The following MYLK variants were observed in gnomAD, a reference collection of about 807,000 sequenced individuals.
The protein encoded by MYLK is myosin light chain kinase, smooth muscle.
MYLK carries 106 observed loss-of-function variants against 203.4 expected under a neutral mutation model. The observed-to-expected ratio is 0.52, with a 90% confidence interval of 0.45 to 0.61. The LOEUF is 0.61. Among genes scored for constraint, MYLK ranks in the 20% least tolerant of loss-of-function variants. The pLI, the probability that MYLK is intolerant of heterozygous loss-of-function variation, is 0.00. For synonymous variants in MYLK, 867 were observed against 959.5 expected (o/e 0.90, Z 1.78); for missense variants, 2,072 against 2,442.3 (o/e 0.85, Z 3.20).
Position 123,629,342 on chromosome 3 carries a change from C to T in MYLK, c.5114+132G>A. Reference sequence around the variant, plus strand: ...TCTCTTACCATGCCCACCCTCCCTTCCTCAGGGAATGCTAGGAACGACCCA... The same window carrying T: ...TCTCTTACCATGCCCACCCTCCCTTTCTCAGGGAATGCTAGGAACGACCCA... On this transcript the variant is annotated intron_variant, in intron 30 of 33. Transcript: ENST00000360304. This position sits in a 1 kb window ranked among gnomAD's most constrained non-coding sequence, Gnocchi z 4.4. 1 of 1,129,930 alleles carries T rather than the reference C, an allele frequency of 8.9e-7. No individual in the cohort carries two copies. The highest frequency in any genetic ancestry group is 1.3e-5 in the South Asian group (1 of 74,078). The allele number at this position is 1,129,930 out of a possible 1,614,324, so 70.0% of individuals were successfully genotyped here.
intron 2 of MYLK, among the ~76,000 whole-genome samples, chr3:123,840,645 C>T (rs1206158866): frequency 6.6e-6 from 1 of 151,312 alleles, no homozygotes; most frequent in Non-Finnish European, 1.5e-5. Context: ...AATATAAACA[C>T]AAAAATCCTC....
intron 4 of MYLK, among the ~76,000 whole-genome samples, chr3:123,790,253 C>G (rs546273476): frequency 6.6e-6 from 1 of 152,326 alleles, no homozygotes; most frequent in South Asian, 2.1e-4. Flanking sequence ...TTTTTATCTT[C>G]CTTTAATCAG....
chr3:123,796,752 AAAAG>A (rs1322159392), intron 3 of MYLK, among the ~76,000 whole-genome samples: 1 of 152,264 alleles, frequency 6.6e-6, no homozygotes, highest in Non-Finnish European at 1.5e-5. Flanking sequence ...ATGACATTTA[AAAAG>A]AAACATAACA....
chr3:123,687,177 A>G (rs1484644252), intron 19 of MYLK, among the ~76,000 whole-genome samples: 1 of 152,198 alleles, frequency 6.6e-6, no homozygotes, highest in African/African-American at 2.4e-5. Context: ...AGCCGAGATC[A>G]TGCCACTGCA....
At position 123,738,887 on chromosome 3, in the gene MYLK, G is replaced by A. The variant is rs886038709; in HGVS notation, c.588+10C>T. 25 of 1,605,922 alleles carry A rather than the reference G, an allele frequency of 1.6e-5. No individual in the cohort carries two copies. Among genetic ancestry groups the A allele is most frequent in the Non-Finnish European group, 1.7e-5 (20 of 1,175,800 alleles). On this transcript the variant is annotated intron_variant, in intron 7 of 33. Transcript: ENST00000360304. ...GGCTGGATCAGGGTCAGGGCAGACA[G>A]AAACCTCACCTTGAGCCAGGTGACC...
chr3:123,629,539 C>T lies in MYLK; in HGVS notation c.5049G>A (p.Glu1683=), dbSNP rs2058321461. ...CATCGTCGGAGATCTCATCGAATGC[C>T]TCGTCGTCGAAGTCCCAGGTGGCTG... ...VTSATWDFDD[E]AFDEISDDAK... The change falls in exon 30 of 34, where the codon GAG becomes GAA. Residue 1683 remains glutamate (E), a synonymous_variant. Coordinates refer to ENST00000360304, the MANE Select transcript of MYLK (RefSeq NM_053025.4). This position sits in a 1 kb window ranked among gnomAD's most constrained non-coding sequence, Gnocchi z 4.4. The T allele has an allele frequency of 6.2e-7, 1 of 1,614,202 alleles. No homozygotes were observed. The highest frequency in any genetic ancestry group is 8.5e-7 in the Non-Finnish European group (1 of 1,180,046).
intron 23 of MYLK, among the ~76,000 whole-genome samples, chr3:123,662,623 T>G (rs1304177792): frequency 2.0e-5 from 3 of 152,212 alleles, no homozygotes; most frequent in Admixed American, 2.0e-4. Context: ...ATCTAGATAC[T>G]TCCATAAGAG....
chr3:123,728,649 T>C (rs1171483627), intron 11 of MYLK, among the ~76,000 whole-genome samples: 2 of 152,198 alleles, frequency 1.3e-5, no homozygotes, highest in East Asian at 1.9e-4. Flanking sequence ...CAGCAAGCTA[T>C]GTGCTTTTTC....
At chr3:123,632,933 C>T (rs1253712871) in intron 29 of MYLK, among the ~76,000 whole-genome samples, 1 of 151,324 alleles carries the variant, frequency 6.6e-6, no homozygotes, top group Non-Finnish European at 1.5e-5. Context: ...GTAGCTGGAA[C>T]CACAGGTGCG....
intron 33 of MYLK, 139 bp downstream of exon 33, chr3:123,618,500 C>T: frequency 8.4e-7 from 1 of 1,189,248 alleles, no homozygotes; most frequent in African/African-American, 1.5e-5. Flanking sequence ...CTCCTGCTGA[C>T]CCAGTTTCCC....
intron 16 of MYLK, among the ~76,000 whole-genome samples, chr3:123,702,783 G>A (rs1443215029): frequency 4.6e-5 from 7 of 152,176 alleles, no homozygotes; most frequent in Admixed American, 2.0e-4. Context: ...GAGCTCGCAC[G>A]TTTGACACCA....
chr3:123,795,693 G>A (rs2064960629), intron 3 of MYLK, among the ~76,000 whole-genome samples: 1 of 152,164 alleles, frequency 6.6e-6, no homozygotes, highest in Non-Finnish European at 1.5e-5. Flanking sequence ...GTGCAGGTGG[G>A]GACAGATCCA....
chr3:123,767,283 G>A (rs1229559956), intron 4 of MYLK, among the ~76,000 whole-genome samples: 1 of 152,166 alleles, frequency 6.6e-6, no homozygotes, highest in Non-Finnish European at 1.5e-5. Flanking sequence ...AATTTCAGGC[G>A]CAGCGCAACT....
chr3:123,629,349 G>C lies in MYLK; in HGVS notation c.5114+125C>G, dbSNP rs2058311421. The C allele has an allele frequency of 8.4e-7, 1 of 1,195,562 alleles. No individual in the cohort carries two copies. Among genetic ancestry groups the C allele is most frequent in the Non-Finnish European group, 1.2e-6 (1 of 832,586 alleles). The allele number at this position is 1,195,562 out of a possible 1,614,324, so 74.1% of individuals were successfully genotyped here. A position where few individuals can be genotyped will look rare whatever the true frequency, so the allele number is the denominator to read the frequency against. ...CCATGCCCACCCTCCCTTCCTCAGG[G>C]AATGCTAGGAACGACCCAAGGCGGG... On this transcript the variant is annotated intron_variant, in intron 30 of 33. Coordinates refer to ENST00000360304, the MANE Select transcript of MYLK (RefSeq NM_053025.4). The surrounding 1 kb of genome is among the most constrained non-coding windows in gnomAD (Gnocchi z 4.4).
intron 3 of MYLK, among the ~76,000 whole-genome samples, chr3:123,804,757 T>G: frequency 6.6e-6 from 1 of 152,102 alleles, no homozygotes; most frequent in East Asian, 1.9e-4. Context: ...TGGCCCCTGG[T>G]CCTCTCTATG....
chr3:123,834,326 G>A (rs556618470), intron 2 of MYLK, among the ~76,000 whole-genome samples: 2 of 152,320 alleles, frequency 1.3e-5, no homozygotes, highest in East Asian at 3.9e-4. Context: ...GATTACAGGC[G>A]TGAGCTACTG....
At position 123,733,078 on chromosome 3, in the gene MYLK, A is replaced by C. The variant is rs760407806; in HGVS notation, c.1334T>G (p.Val445Gly). 3 of 1,613,984 alleles carry C rather than the reference A, an allele frequency of 1.9e-6. No individual in the cohort carries two copies. The highest frequency in any genetic ancestry group is 3.3e-5 in the Admixed American group (2 of 60,010). ...GGGGGTGCCTTCCAGGAACCAGGCC[A>C]CTTCAGGCTTTGGAATCCCGGAAAC... ...CEVSGIPKPE[V>G]AWFLEGTPVR... Residue 445 changes from valine to glycine, a missense_variant, in exon 11 of 34, where the codon GTG becomes GGG. Physicochemically the swap from Val to Gly is moderately radical, Grantham distance 109. Coordinates refer to ENST00000360304, the MANE Select transcript of MYLK (RefSeq NM_053025.4).
chr3:123,710,043 G>C, intron 13 of MYLK, 150 bp from the exon 14 acceptor site: 1 of 1,029,352 alleles, frequency 9.7e-7, no homozygotes, highest in South Asian at 1.3e-5. Context: ...GGAGTTTCTA[G>C]AGATCATTAG....
At chr3:123,841,121 C>T (rs900891536) in intron 2 of MYLK, among the ~76,000 whole-genome samples, 1 of 152,090 alleles carries the variant, frequency 6.6e-6, no homozygotes, top group East Asian at 1.9e-4. Context: ...TACTACCGGA[C>T]CTCTGGACAA....
Sources: allele counts gnomAD v4.1 joint callset (sites outside exome capture counted in the v4.1 genomes callset), GRCh38; gene constraint gnomAD v4.1.1; non-coding constraint Gnocchi (gnomAD v3.1); transcripts MANE v1.5; gene names NCBI Gene and HGNC (gene_info 2026-07-23, HGNC 2026-07-21).